The following ITGBL1 variants were observed in gnomAD, a reference collection of about 807,000 sequenced individuals.
ITGBL1 encodes integrin subunit beta like 1.
A neutral mutation model predicts 68.5 loss-of-function variants in ITGBL1; 51 were observed. That is an observed-to-expected ratio of 0.74 (90% CI 0.59 to 0.94). ITGBL1 has a LOEUF of 0.94. Ranked by LOEUF, ITGBL1 falls within the 40% of genes least tolerant of loss-of-function variation. The probability of loss-of-function intolerance (pLI) is 0.00; values close to 1 mark genes in which losing one functional copy is unlikely to be tolerated. For missense variants in ITGBL1, 649 were observed against 647.4 expected, an observed-to-expected ratio of 1.00 and a Z score of -0.03; for synonymous variants, 209 against 227.3, an observed-to-expected ratio of 0.92 and a Z score of 0.72.
intron 7 of ITGBL1, among the ~76,000 whole-genome samples, chr13:101,605,836 A>G (rs967571167): frequency 6.6e-6 from 1 of 151,056 alleles, no homozygotes; most frequent in African/African-American, 2.4e-5. Flanking sequence ...GTGTATATAT[A>G]TGCATATACA....
intron 2 of ITGBL1, among the ~76,000 whole-genome samples, chr13:101,476,846 A>T (rs1413970709): frequency 6.6e-6 from 1 of 152,168 alleles, no homozygotes; most frequent in Non-Finnish European, 1.5e-5. Flanking sequence ...TAGACATGTA[A>T]AGCAAATATT....
At chr13:101,667,587 G>A (rs2033253937) in intron 7 of ITGBL1, among the ~76,000 whole-genome samples, 2 of 151,984 alleles carry the variant, frequency 1.3e-5, no homozygotes, top group South Asian at 4.1e-4. Flanking sequence ...TTACCCATCA[G>A]GACAAATGAA....
intron 2 of ITGBL1, among the ~76,000 whole-genome samples, chr13:101,560,969 G>A (rs112303302): frequency 8.5e-5 from 13 of 152,266 alleles, no homozygotes; most frequent in African/African-American, 2.9e-4. Context: ...CTGAAGAAAA[G>A]TGGGACGAAT....
At chr13:101,455,211 T>C (rs1305444598) in intron 2 of ITGBL1, among the ~76,000 whole-genome samples, 2 of 152,218 alleles carry the variant, frequency 1.3e-5, no homozygotes, top group African/African-American at 2.4e-5. Context: ...AATGAGTTTA[T>C]AGCAAAATAT....
chr13:101,650,194 T>G (rs1269000818), intron 7 of ITGBL1, among the ~76,000 whole-genome samples: 1 of 152,236 alleles, frequency 6.6e-6, no homozygotes, highest in African/African-American at 2.4e-5. Context: ...ATTGTTGCCC[T>G]GCACCGTGGT....
chr13:101,709,394 A>AAAG (rs2034356609), intron 9 of ITGBL1, among the ~76,000 whole-genome samples: 2 of 144,430 alleles, frequency 1.4e-5, no homozygotes, highest in East Asian at 2.0e-4. Context: ...AAAAAAAAAA[A>AAAG]AAAAGAAAAG....
chr13:101,487,551 T>C (rs1011717824), intron 2 of ITGBL1, among the ~76,000 whole-genome samples: 1 of 152,220 alleles, frequency 6.6e-6, no homozygotes, highest in Non-Finnish European at 1.5e-5. Context: ...CTCAGGAATA[T>C]ATAGAGTTAT....
chr13:101,587,602 G>A (rs1302186569), intron 6 of ITGBL1, among the ~76,000 whole-genome samples: 1 of 152,148 alleles, frequency 6.6e-6, no homozygotes, highest in Non-Finnish European at 1.5e-5. Context: ...AAAATACGCT[G>A]CAATGTGACC....
At chr13:101,573,631 A>G (rs1272937435) in intron 3 of ITGBL1, among the ~76,000 whole-genome samples, 1 of 152,138 alleles carries the variant, frequency 6.6e-6, no homozygotes, top group East Asian at 1.9e-4. Context: ...ATCACTTGGT[A>G]TTGGCAGCAG....
chr13:101,591,124 A>T (rs1397598532), intron 6 of ITGBL1, among the ~76,000 whole-genome samples: 1 of 152,150 alleles, frequency 6.6e-6, no homozygotes, highest in African/African-American at 2.4e-5. Flanking sequence ...GCTGGTCTTG[A>T]ACTCCTGAAC....
intron 7 of ITGBL1, among the ~76,000 whole-genome samples, chr13:101,607,117 A>G (rs1468545105): frequency 6.6e-6 from 1 of 152,022 alleles, no homozygotes; most frequent in Non-Finnish European, 1.5e-5. Context: ...TCTTCTGTCA[A>G]CAGCATTTAT....
At chr13:101,624,403 C>T (rs779949133) in intron 7 of ITGBL1, among the ~76,000 whole-genome samples, 1 of 152,086 alleles carries the variant, frequency 6.6e-6, no homozygotes, top group African/African-American at 2.4e-5. Context: ...TGCTCTGAGC[C>T]TTGAAGTGTT....
chr13:101,684,363 T>C (rs948160080), intron 7 of ITGBL1, among the ~76,000 whole-genome samples: 2 of 151,990 alleles, frequency 1.3e-5, no homozygotes, highest in Non-Finnish European at 2.9e-5. Flanking sequence ...ATAAATGTCA[T>C]AATTGGCTTT....
chr13:101,551,735 A>G (rs947206847), intron 2 of ITGBL1, among the ~76,000 whole-genome samples: 3 of 152,238 alleles, frequency 2.0e-5, no homozygotes, highest in African/African-American at 7.2e-5. Context: ...AGATTAACAT[A>G]TGCTTATGTT....
rs114063544 is a variant in ITGBL1, at chr13:101,467,468, A to G, written c.316+13368A>G. On this transcript the variant is annotated intron_variant, in intron 2 of 10. Coordinates refer to ENST00000376180, the MANE Select transcript of ITGBL1 (RefSeq NM_004791.3). ...CTATTTTCTAATAACTTCTAAATTG[A>G]TAAAGATAGAGAGCTGCATGGGGGT... Among the ~76,000 whole-genome samples the G allele has an allele frequency of 4.0e-3, 614 of 152,308 alleles. 4 individuals are homozygous for G. The highest frequency in any genetic ancestry group is 0.014 in the African/African-American group (588 of 41,572).
intron 2 of ITGBL1, among the ~76,000 whole-genome samples, chr13:101,541,502 GT>G (rs913581073): frequency 6.6e-6 from 1 of 152,132 alleles, no homozygotes; most frequent in Admixed American, 6.5e-5. Flanking sequence ...AGGGATATTA[GT>G]CGAAAATTCT....
At chr13:101,529,471 G>A (rs1249281108) in intron 2 of ITGBL1, among the ~76,000 whole-genome samples, 3 of 152,108 alleles carry the variant, frequency 2.0e-5, no homozygotes, top group Non-Finnish European at 4.4e-5. Context: ...TAACAACTGG[G>A]CATCCAGAAA....
At chr13:101,606,214 A>G (rs776348670) in intron 7 of ITGBL1, among the ~76,000 whole-genome samples, 1 of 145,394 alleles carries the variant, frequency 6.9e-6, no homozygotes, top group Non-Finnish European at 1.5e-5. Flanking sequence ...TATATATATG[A>G]TATATGTATC....
At chr13:101,604,946 GTGT>G (rs2030642359) in intron 7 of ITGBL1, among the ~76,000 whole-genome samples, 2 of 4,224 alleles carry the variant, frequency 4.7e-4, no homozygotes, top group Non-Finnish European at 4.3e-3. Context: ...ATGTATATAT[GTGT>G]ACATGTGTAT....
Sources: gnomAD v4.1 joint callset for allele counts (sites outside exome capture counted in the v4.1 genomes callset) on GRCh38, gnomAD v4.1.1 for gene constraint, MANE v1.5 for transcripts, NCBI Gene and HGNC (gene_info 2026-07-23, HGNC 2026-07-21) for gene names.